STIMATE: variants seen among roughly 807,000 people sequenced by gnomAD.
STIMATE encodes the protein store-operated calcium entry regulator STIMATE.
STIMATE carries 15 observed loss-of-function variants against 36.7 expected under a neutral mutation model. The ratio of observed to expected loss-of-function variants is 0.41; its 90% confidence interval spans 0.27 to 0.63. STIMATE has a LOEUF of 0.63. Ranked by LOEUF, STIMATE falls within the 20% of genes least tolerant of loss-of-function variation. The probability of loss-of-function intolerance (pLI) is 0.32; values close to 1 mark genes in which losing one functional copy is unlikely to be tolerated. For synonymous variants in STIMATE, 163 were observed against 162.3 expected (o/e 1.00, Z -0.03); for missense variants, 305 against 397.3 (o/e 0.77, Z 1.98).
At chr3:52,884,864 G>T (rs1701666741) in intron 1 of STIMATE, among the ~76,000 whole-genome samples, 1 of 152,144 alleles carries the variant, frequency 6.6e-6, no homozygotes, top group African/African-American at 2.4e-5. Flanking sequence ...ACAAATGAAG[G>T]TGCTATAAAT....
chr3:52,884,167 G>C (rs1453885107), intron 1 of STIMATE, among the ~76,000 whole-genome samples: 1 of 151,838 alleles, frequency 6.6e-6, no homozygotes, highest in Admixed American at 6.6e-5. Context: ...TATGCATACA[G>C]TTCAGTGAGT....
At chr3:52,889,179 G>A (rs1559500039) in intron 1 of STIMATE, among the ~76,000 whole-genome samples, 2 of 152,190 alleles carry the variant, frequency 1.3e-5, no homozygotes, top group African/African-American at 2.4e-5. Flanking sequence ...AGGCGACTTC[G>A]ATGCATGACT....
chr3:52,866,221 C>A (rs529983584), intron 1 of STIMATE, among the ~76,000 whole-genome samples: 10 of 152,360 alleles, frequency 6.6e-5, no homozygotes, highest in Admixed American at 3.9e-4. Context: ...GCACGAGTAC[C>A]CATTCCCACA....
chr3:52,859,844 G>A (rs560284601), intron 1 of STIMATE, among the ~76,000 whole-genome samples: 111 of 152,026 alleles, frequency 7.3e-4, no homozygotes, highest in Non-Finnish European at 1.3e-3. Flanking sequence ...GAGAATCAGC[G>A]TGACCTACAG....
chr3:52,865,629 G>GC (rs748797895), intron 1 of STIMATE, among the ~76,000 whole-genome samples: 37 of 152,120 alleles, frequency 2.4e-4, no homozygotes, highest in Non-Finnish European at 4.7e-4. Context: ...GGGGGAAACT[G>GC]CCCCCATGAT....
intron 1 of STIMATE, among the ~76,000 whole-genome samples, chr3:52,878,882 T>C (rs1701555267): frequency 6.6e-6 from 1 of 152,078 alleles, no homozygotes; most frequent in Admixed American, 6.5e-5. Flanking sequence ...GGACTGCCAA[T>C]AGCATGGCAG....
At chr3:52,871,862 G>A (rs562618867) in intron 1 of STIMATE, among the ~76,000 whole-genome samples, 3 of 152,140 alleles carry the variant, frequency 2.0e-5, no homozygotes, top group Admixed American at 1.3e-4. Flanking sequence ...GCCTTTCCAC[G>A]GCAGATAGAA....
At chr3:52,860,314 C>A (rs1208530626) in intron 1 of STIMATE, among the ~76,000 whole-genome samples, 1 of 151,868 alleles carries the variant, frequency 6.6e-6, no homozygotes, top group South Asian at 2.1e-4. Flanking sequence ...AACACAGAGG[C>A]AGGTGAAGAG....
At position 52,855,448 on chromosome 3, in the gene STIMATE, A is replaced by C; in HGVS notation, c.161-4T>G. ...TTTGGTTCTCTGAAGCGTTTGACTGAAAGAAAAGACAGACATCAGTAGTTT... is the reference window on the plus strand; with the variant it reads ...TTTGGTTCTCTGAAGCGTTTGACTGCAAGAAAAGACAGACATCAGTAGTTT... On this transcript the variant is annotated splice_polypyrimidine_tract_variant and splice_region_variant and intron_variant, in intron 1 of 7. Coordinates refer to ENST00000355083, the MANE Select transcript of STIMATE (RefSeq NM_198563.5). The C allele has an allele frequency of 1.2e-6, 2 of 1,614,116 alleles. No individual in the cohort carries two copies. The highest frequency in any genetic ancestry group is 1.3e-5 in the African/African-American group (1 of 75,032).
intron 1 of STIMATE, among the ~76,000 whole-genome samples, chr3:52,860,134 A>T (rs1252086654): frequency 6.6e-6 from 1 of 151,484 alleles, no homozygotes; most frequent in East Asian, 1.9e-4. Context: ...GGTAAAAAAA[A>T]AAAAACAGAA....
intron 1 of STIMATE, among the ~76,000 whole-genome samples, chr3:52,867,011 C>T (rs944618172): frequency 1.3e-5 from 2 of 152,144 alleles, no homozygotes; most frequent in Non-Finnish European, 2.9e-5. Flanking sequence ...ACAGGGAAGC[C>T]GGGGTCTCCC....
At chr3:52,852,773 T>C (rs1701028228) in intron 2 of STIMATE, 75 bp from the exon 3 acceptor site, 3 of 1,573,400 alleles carry the variant, frequency 1.9e-6, no homozygotes, top group Non-Finnish European at 2.6e-6. Context: ...ACGAGAAGAC[T>C]GAAACAGGAA....
At chr3:52,865,964 A>G (rs908094038) in intron 1 of STIMATE, among the ~76,000 whole-genome samples, 1 of 151,898 alleles carries the variant, frequency 6.6e-6, no homozygotes, top group Non-Finnish European at 1.5e-5. Context: ...GCTCTCACCT[A>G]CTGTACACAT....
intron 1 of STIMATE, among the ~76,000 whole-genome samples, chr3:52,890,941 G>A (rs1312252676): frequency 6.6e-6 from 1 of 152,156 alleles, no homozygotes; most frequent in Non-Finnish European, 1.5e-5. Flanking sequence ...ACCACCCTCT[G>A]CCCAGGCAAG....
intron 2 of STIMATE, among the ~76,000 whole-genome samples, chr3:52,855,117 C>T (rs1336255522): frequency 6.6e-6 from 1 of 152,106 alleles, no homozygotes; most frequent in Non-Finnish European, 1.5e-5. Context: ...GAGCCAGCAT[C>T]GGGGACTGAT....
intron 1 of STIMATE, among the ~76,000 whole-genome samples, chr3:52,863,970 C>T (rs183793480): frequency 1.9e-3 from 293 of 152,378 alleles, no homozygotes; most frequent in Non-Finnish European, 2.7e-3. Flanking sequence ...GCCTCCCTCC[C>T]GGCTGCTTTG....
At chr3:52,845,858 G>A (rs560358878) in intron 4 of STIMATE, among the ~76,000 whole-genome samples, 1 of 150,382 alleles carries the variant, frequency 6.6e-6, no homozygotes, top group South Asian at 2.1e-4. Flanking sequence ...GTTGCCTGGG[G>A]CTCACCCTGG....
rs1483508173 is a variant in STIMATE at position 52,838,562 on chromosome 3, T to C, written c.*1932A>G. On this transcript the variant is annotated 3_prime_UTR_variant, in exon 8 of 8. Coordinates refer to ENST00000355083, the MANE Select transcript of STIMATE (RefSeq NM_198563.5). ...CCCCACTAGAGAGCTGCTGGGGAAA[T>C]ACTGGCTACCATAGCTGTGGATGGG... The C allele has an allele frequency of 1.3e-5, 2 of 152,162 alleles. No homozygotes were observed. The highest frequency in any genetic ancestry group is 4.8e-5 in the African/African-American group (2 of 41,440). The allele number at this position is 152,162 out of a possible 1,614,324, so 9.4% of individuals were successfully genotyped here.
chr3:52,858,574 A>G (rs142907434), intron 1 of STIMATE, among the ~76,000 whole-genome samples: 1 of 152,220 alleles, frequency 6.6e-6, no homozygotes, highest in East Asian at 1.9e-4. Flanking sequence ...GCAGTGAGCT[A>G]TCGCATCACT....
Sources: gnomAD v4.1 joint callset for allele counts (sites outside exome capture counted in the v4.1 genomes callset) on GRCh38, gnomAD v4.1.1 for gene constraint, MANE v1.5 for transcripts, NCBI Gene and HGNC (gene_info 2026-07-23, HGNC 2026-07-21) for gene names.